Variants in DEPDC4 observed in about 807,000 individuals in gnomAD.
DEPDC4 encodes DEP domain containing 4, also known as DEP domain-containing protein 4.
DEPDC4 carries 52 observed loss-of-function variants against 52.0 expected under a neutral mutation model. The observed-to-expected ratio is 1.00, with a 90% CI of 0.80 to 1.26. The LOEUF (loss-of-function observed/expected upper bound fraction) is 1.26. Among genes scored for constraint, DEPDC4 ranks in the 50% most tolerant of loss-of-function variants. DEPDC4 has a pLI of 0.00. For synonymous variants in DEPDC4, 201 were observed against 196.8 expected (o/e 1.02, Z -0.18); for missense variants, 530 against 546.9 (o/e 0.97, Z 0.31).
chr12:100,234,197 G>T (rs907366437), intron 9 of DEPDC4, among the ~76,000 whole-genome samples: 17 of 152,208 alleles, frequency 1.1e-4, no homozygotes, highest in Admixed American at 2.0e-4. Context: ...GTTAAAAGAT[G>T]ATTTTATTCA....
At chr12:100,267,149 C>T (rs928155332), upstream of DEPDC4, 5 of 1,511,838 alleles carry the variant, frequency 3.3e-6, no homozygotes, top group Non-Finnish European at 2.7e-6. Flanking sequence ...CAGGAAGTGA[C>T]GTCATGCCCC....
chr12:100,263,996 G>A lies in DEPDC4; in HGVS notation c.158-103C>T. 2 of 995,468 alleles carry A rather than the reference G, an allele frequency of 2.0e-6. 1 individual carries two copies. The highest frequency in any genetic ancestry group is 3.6e-5 in the South Asian group (2 of 56,100). The allele number at this position is 995,468 out of a possible 1,614,324, so 61.7% of individuals were successfully genotyped here. On this transcript the variant is annotated intron_variant, in intron 1 of 9. Transcript: ENST00000550587. Reference sequence around the variant, plus strand: ...TATGCTTGTTGAAGGCATATCTGCTGGTAATGTCCTTCTTACGTGTCATCT... The same window carrying A: ...TATGCTTGTTGAAGGCATATCTGCTAGTAATGTCCTTCTTACGTGTCATCT...
At chr12:100,239,024 G>A (rs1027477182), downstream of DEPDC4, among the ~76,000 whole-genome samples, 1 of 152,180 alleles carries the variant, frequency 6.6e-6, no homozygotes, top group Non-Finnish European at 1.5e-5. Context: ...TTCAGAAAGT[G>A]TATTGTACTT....
At chr12:100,274,291 T>G in the DEPDC4 span, among the ~76,000 whole-genome samples, 2 of 152,254 alleles carry the variant, frequency 1.3e-5, no homozygotes, top group African/African-American at 2.4e-5. Flanking sequence ...TGCACATTTT[T>G]TAAGTTGATC....
intron 8 of DEPDC4, among the ~76,000 whole-genome samples, chr12:100,246,894 G>C (rs1054347314): frequency 4.6e-5 from 7 of 151,778 alleles, no homozygotes; most frequent in Admixed American, 4.6e-4. Context: ...GCCGAGATGC[G>C]CCATTGCACT....
At chr12:100,260,892 T>A (rs2096251291) in intron 3 of DEPDC4, among the ~76,000 whole-genome samples, 1 of 145,282 alleles carries the variant, frequency 6.9e-6, no homozygotes, top group Non-Finnish European at 1.5e-5. Flanking sequence ...TGAAACTGTG[T>A]CTCAATGGCC....
chr12:100,237,574 T>G (rs914101367), downstream of DEPDC4, among the ~76,000 whole-genome samples: 1 of 152,174 alleles, frequency 6.6e-6, no homozygotes, highest in Non-Finnish European at 1.5e-5. Context: ...TTGCATTGAA[T>G]TGTAGACTTC....
chr12:100,244,330 G>A (rs562194030), intron 8 of DEPDC4, among the ~76,000 whole-genome samples: 9 of 150,860 alleles, frequency 6.0e-5, no homozygotes, highest in East Asian at 5.9e-4. Context: ...ACAGGCACCC[G>A]CCACCAGGCC....
At position 100,262,176 on chromosome 12, in the gene DEPDC4, C is replaced by T. The variant is rs779338071; in HGVS notation, c.700+88G>A. 1.1e-4 allele frequency: 151 copies of T among 1,341,582 alleles called. 1 individual carries two copies. The highest frequency in any genetic ancestry group is 1.5e-4 in the Non-Finnish European group (145 of 991,600). The allele number at this position is 1,341,582 out of a possible 1,614,324, so 83.1% of individuals were successfully genotyped here. A position where few individuals can be genotyped will look rare whatever the true frequency, so the allele number is the denominator to read the frequency against. ...AACTGTACTTTCTGCTCTATTTTGCCGTGACCTTGAAACTGCTTATAAGAA... is the reference window on the plus strand; with the variant it reads ...AACTGTACTTTCTGCTCTATTTTGCTGTGACCTTGAAACTGCTTATAAGAA... On this transcript the variant is annotated intron_variant, in intron 3 of 9. Transcript: ENST00000550587.
At chr12:100,276,904 A>G in the DEPDC4 span, among the ~76,000 whole-genome samples, 1 of 152,082 alleles carries the variant, frequency 6.6e-6, no homozygotes, top group Non-Finnish European at 1.5e-5. Context: ...ATTTCTTTGT[A>G]AGTACTGCTT....
intron 4 of DEPDC4, 99 bp from the exon 5 acceptor site, chr12:100,253,814 CT>C (rs2096219501): frequency 1.8e-6 from 1 of 542,124 alleles, no homozygotes; most frequent in South Asian, 1.9e-5. Flanking sequence ...CTTATTTAAG[CT>C]AGATAAATCT....
At chr12:100,259,552 AATAGCTC>A (rs1303815181) in intron 3 of DEPDC4, among the ~76,000 whole-genome samples, 1 of 152,260 alleles carries the variant, frequency 6.6e-6, no homozygotes, top group Admixed American at 6.5e-5. Context: ...CTCAACTCTG[AATAGCTC>A]TTTTCTACAA....
At chr12:100,241,921 T>C (rs748500440) in intron 9 of DEPDC4, 76 bp from the exon 10 acceptor site, 2 of 989,706 alleles carry the variant, frequency 2.0e-6, no homozygotes, top group Non-Finnish European at 2.5e-6. Flanking sequence ...AACTAAACTG[T>C]ACTTATCCAA....
chr12:100,238,508 CTTTTT>C (rs374449171), downstream of DEPDC4, among the ~76,000 whole-genome samples: 1 of 107,292 alleles, frequency 9.3e-6, no homozygotes, highest in Non-Finnish European at 1.9e-5. Flanking sequence ...TAGCTTAGTG[CTTTTT>C]TTTTTTTTTT....
At chr12:100,248,780 G>A (rs1414200181) in intron 8 of DEPDC4, 120 bp downstream of exon 8, 1 of 304,176 alleles carries the variant, frequency 3.3e-6, no homozygotes, top group Non-Finnish European at 4.8e-6. Context: ...TAACCTTCCT[G>A]TAACCACTTT....
chr12:100,239,748 A>T (rs1440202309), downstream of DEPDC4, among the ~76,000 whole-genome samples: 1 of 151,776 alleles, frequency 6.6e-6, no homozygotes, highest in Admixed American at 6.6e-5. Context: ...CTGGCCTCTA[A>T]CTCCTGTGGT....
At chr12:100,263,452 T>C in intron 2 of DEPDC4, 45 bp downstream of exon 2, 2 of 1,451,346 alleles carry the variant, frequency 1.4e-6, no homozygotes, top group Non-Finnish European at 1.8e-6. Flanking sequence ...ACAGTTCTTC[T>C]AGGGTCTAAA....
rs1020009522 is a variant in DEPDC4 at position 100,252,456 on chromosome 12, G to A, written c.1186C>T (p.Arg396Ter). 1.6e-5 allele frequency: 25 copies of A among 1,605,568 alleles called. No homozygotes were observed. The African/African-American group carries it at 1.7e-4, about 11-fold the overall frequency. Residue 396 changes from arginine (R) to a stop codon, truncating the protein, a stop_gained, in exon 6 of 10, where the codon CGA (arginine) becomes TGA (stop). Transcript: ENST00000550587. LOFTEE classifies it high-confidence loss of function. ...LLLLNIREELRRLLTFMAMAS... is the reference protein window; with the variant it reads ...LLLLNIREEL Reference sequence around the variant, plus strand: ...ATTGCCATAAAAGTAAGTAGCCGTCGTAATTCTTCTCTAATGTTCAGCAAC... The same window carrying A: ...ATTGCCATAAAAGTAAGTAGCCGTCATAATTCTTCTCTAATGTTCAGCAAC...
At chr12:100,238,484 A>T (rs2096146335), downstream of DEPDC4, among the ~76,000 whole-genome samples, 2 of 144,666 alleles carry the variant, frequency 1.4e-5, no homozygotes, top group South Asian at 4.3e-4. Flanking sequence ...AGTAGGAAGA[A>T]CTTAAAAGTC....
Sources: gnomAD v4.1 joint callset for allele counts (sites outside exome capture counted in the v4.1 genomes callset) on GRCh38, gnomAD v4.1.1 for gene constraint, MANE v1.5 for transcripts, NCBI Gene and HGNC (gene_info 2026-07-23, HGNC 2026-07-21) for gene names.